The following ARHGAP6 variants were observed in gnomAD, a reference collection of about 807,000 sequenced individuals.
ARHGAP6 encodes rho GTPase-activating protein 6.
ARHGAP6 carries 16 observed loss-of-function variants against 55.7 expected under a neutral mutation model. The ratio of observed to expected loss-of-function variants is 0.29; its 90% confidence interval spans 0.19 to 0.44. The LOEUF (loss-of-function observed/expected upper bound fraction) is 0.44. Ranked by LOEUF, ARHGAP6 falls within the 20% of genes least tolerant of loss-of-function variation. The pLI, the probability that ARHGAP6 is intolerant of heterozygous loss-of-function variation, is 1.00. For synonymous variants in ARHGAP6, 382 were observed against 360.9 expected, an observed-to-expected ratio of 1.06 and a Z score of -0.66; for missense variants, 698 against 808.9, an observed-to-expected ratio of 0.86 and a Z score of 1.66.
intron 1 of ARHGAP6, among the ~76,000 whole-genome samples, chrX:11,589,587 T>TA (rs200729658): frequency 0.01 from 1,114 of 109,786 alleles, 5 homozygotes; most frequent in Non-Finnish European, 0.017. Flanking sequence ...TTGTTTTCTA[T>TA]AAAAACAGGG....
chrX:11,454,110 AT>A (rs1187605203), intron 1 of ARHGAP6, among the ~76,000 whole-genome samples: 3,885 of 76,451 alleles, frequency 0.051, 65 homozygotes, highest in African/African-American at 0.074. Flanking sequence ...CGCACGGCTA[AT>A]TTTTTTTTTT....
Position 11,429,010 on chromosome X carries a change from C to G in ARHGAP6, c.589-174303G>C, listed in dbSNP as rs181824461. 2.1e-3 allele frequency among the ~76,000 whole-genome samples: 236 copies of G among 111,590 alleles called. 1 individual carries two copies. The highest frequency in any genetic ancestry group is 3.4e-3 in the Non-Finnish European group (182 of 53,153). ...CAGAGTACAATAATCTCATCATATA[C>G]CAGAATGCTCATACTGTGTTGAGGC... On this transcript the variant is annotated intron_variant, in intron 1 of 12. Coordinates refer to ENST00000337414, the MANE Select transcript of ARHGAP6 (RefSeq NM_013427.3).
intron 1 of ARHGAP6, among the ~76,000 whole-genome samples, chrX:11,459,999 C>G (rs775189984): frequency 9.8e-5 from 11 of 111,963 alleles, no homozygotes; most frequent in Non-Finnish European, 1.9e-4. Flanking sequence ...AGATTCCCAT[C>G]CCCTGGTATA....
At chrX:11,171,548 C>T (rs1404810596) in intron 8 of ARHGAP6, among the ~76,000 whole-genome samples, 1 of 112,142 alleles carries the variant, frequency 8.9e-6, no homozygotes, top group African/African-American at 3.2e-5. Flanking sequence ...CAAAAAATAT[C>T]CTTGAAAAGA....
At chrX:11,457,933 C>T (rs141432258) in intron 1 of ARHGAP6, among the ~76,000 whole-genome samples, 110 of 111,987 alleles carry the variant, frequency 9.8e-4, no homozygotes, top group African/African-American at 3.5e-3. Flanking sequence ...CAGTTACCTC[C>T]CAAATAAACT....
chrX:11,323,866 CAAAAAAAA>C (rs61462099), intron 1 of ARHGAP6, among the ~76,000 whole-genome samples: 1 of 40,298 alleles, frequency 2.5e-5, no homozygotes, highest in Admixed American at 3.4e-4. Flanking sequence ...ACCCCCATTT[CAAAAAAAA>C]AAAAAAAAAA....
Position 11,179,360 on chromosome X carries a change from C to T in ARHGAP6, c.1422G>A (p.Arg474=). The part of the protein sequence containing the change: ...DVAALLKEFL[R]DMPDPLLTRE... ...TGGTGAGAAGGGGGTCTGGCATGTCCCTCAGGAACTCTTTCAGCAAGGCTG... is the reference window on the plus strand; with the variant it reads ...TGGTGAGAAGGGGGTCTGGCATGTCTCTCAGGAACTCTTTCAGCAAGGCTG... The change falls in exon 7 of 13, where the codon AGG becomes AGA. Residue 474 remains arginine (R), a synonymous_variant. Coordinates refer to ENST00000337414, the MANE Select transcript of ARHGAP6 (RefSeq NM_013427.3). 2.5e-6 allele frequency: 3 copies of T among 1,209,887 alleles called. No individual in the cohort carries two copies. The highest frequency in any genetic ancestry group is 3.4e-6 in the Non-Finnish European group (3 of 894,798).
At chrX:11,263,855 AT>A (rs2047591286) in intron 1 of ARHGAP6, among the ~76,000 whole-genome samples, 1 of 111,951 alleles carries the variant, frequency 8.9e-6, no homozygotes, top group Admixed American at 9.4e-5. Flanking sequence ...CATCTATGAA[AT>A]GGGGATGATG....
At chrX:11,341,291 GT>G in intron 1 of ARHGAP6, among the ~76,000 whole-genome samples, 1 of 111,412 alleles carries the variant, frequency 9.0e-6, no homozygotes, top group East Asian at 2.8e-4. Flanking sequence ...TTTTTTTGTT[GT>G]TGTTGTTCTG....
At chrX:11,438,297 C>T (rs147765933) in intron 1 of ARHGAP6, among the ~76,000 whole-genome samples, 27 of 112,483 alleles carry the variant, frequency 2.4e-4, no homozygotes, top group African/African-American at 8.1e-4. Flanking sequence ...CATCCATGAC[C>T]GGGTACACTT....
At chrX:11,232,998 A>C (rs1452633827) in intron 2 of ARHGAP6, among the ~76,000 whole-genome samples, 1 of 112,584 alleles carries the variant, frequency 8.9e-6, no homozygotes, top group Non-Finnish European at 1.9e-5. Flanking sequence ...CGTACTAAAT[A>C]AAGTAATGGT....
intron 10 of ARHGAP6, among the ~76,000 whole-genome samples, chrX:11,153,615 C>G (rs2045821507): frequency 9.3e-6 from 1 of 107,419 alleles, no homozygotes; most frequent in African/African-American, 3.4e-5. Flanking sequence ...AAAGTAAACA[C>G]TCATTTATTA....
chrX:11,176,063 C>T (rs2046208906), intron 8 of ARHGAP6, among the ~76,000 whole-genome samples: 1 of 100,859 alleles, frequency 9.9e-6, no homozygotes, highest in African/African-American at 3.6e-5. Flanking sequence ...ACTATGGGGT[C>T]CATGGCACCT....
chrX:11,284,438 T>A (rs1252800527), intron 1 of ARHGAP6, among the ~76,000 whole-genome samples: 2 of 111,886 alleles, frequency 1.8e-5, no homozygotes, highest in Admixed American at 9.5e-5. Flanking sequence ...CATTATTAAC[T>A]GACATTTTAT....
intron 1 of ARHGAP6, among the ~76,000 whole-genome samples, chrX:11,378,153 A>C (rs1198211518): frequency 8.9e-6 from 1 of 112,359 alleles, no homozygotes; most frequent in African/African-American, 3.2e-5. Context: ...ATTCAAATGA[A>C]AACAGCCCCC....
chrX:11,307,534 G>A (rs1362320805), intron 1 of ARHGAP6, among the ~76,000 whole-genome samples: 1 of 112,143 alleles, frequency 8.9e-6, no homozygotes, highest in Non-Finnish European at 1.9e-5. Flanking sequence ...ACAAATTCAG[G>A]CTCTGCAGGT....
chrX:11,404,088 GC>G (rs1217779335), intron 1 of ARHGAP6, among the ~76,000 whole-genome samples: 2 of 111,800 alleles, frequency 1.8e-5, no homozygotes, highest in Non-Finnish European at 3.8e-5. Flanking sequence ...GATACTTCTT[GC>G]TTTTTGGCAT....
At chrX:11,451,455 T>C (rs779942885) in intron 1 of ARHGAP6, among the ~76,000 whole-genome samples, 5 of 112,180 alleles carry the variant, frequency 4.5e-5, no homozygotes, top group Non-Finnish European at 3.8e-5. Context: ...CACTCAAGCA[T>C]TACAGTTCAA....
rs768474221 is a variant in ARHGAP6, at chrX:11,502,234, A to G, written c.588+162007T>C. Among the ~76,000 whole-genome samples, 4 of 112,756 alleles carry G rather than the reference A, an allele frequency of 3.5e-5. No individual in the cohort carries two copies. In the Admixed American group the frequency reaches 3.7e-4, roughly 11 times the overall value. ...CGTCACAAAAATGTTAAAGCCAGAC[A>G]CAAAGTAATATATAACATGTGATTA... On this transcript the variant is annotated intron_variant, in intron 1 of 12. Transcript: ENST00000337414.
Sources: allele counts gnomAD v4.1 joint callset (sites outside exome capture counted in the v4.1 genomes callset), GRCh38; gene constraint gnomAD v4.1.1; transcripts MANE v1.5; gene names NCBI Gene and HGNC (gene_info 2026-07-23, HGNC 2026-07-21).